Variants in ITCH observed in about 807,000 individuals in gnomAD.
ITCH encodes itchy E3 ubiquitin protein ligase, also known as E3 ubiquitin-protein ligase Itchy homolog.
In ITCH, 28 loss-of-function variants were observed where a neutral mutation model predicts 126.8. The observed-to-expected ratio is 0.22, with a 90% CI of 0.16 to 0.30. The LOEUF (loss-of-function observed/expected upper bound fraction) is 0.30, where lower values mean the gene tolerates loss of function less well. Among genes scored for constraint, ITCH ranks in the 10% least tolerant of loss-of-function variants. The pLI is 1.00. For synonymous variants in ITCH, 342 were observed against 340.0 expected (o/e 1.01, Z -0.06); for missense variants, 631 against 1,032.4 (o/e 0.61, Z 5.33).
At position 34,449,496 on chromosome 20, in the gene ITCH, T is replaced by G; in HGVS notation, c.1210+16T>G. ...CCTGGATGGGGTAAGTCACATGAGT[T>G]TCTTCATGGAGTTCTGTCATTTCAT... On this transcript the variant is annotated intron_variant, in intron 12 of 24. Transcript: ENST00000374864. 6.6e-7 allele frequency: 1 copy of G among 1,524,050 alleles called. No homozygotes were observed. The highest frequency in any genetic ancestry group is 1.4e-5 in the African/African-American group (1 of 73,334). The allele number at this position is 1,524,050 out of a possible 1,614,324, so 94.4% of individuals were successfully genotyped here.
At chr20:34,476,626 C>T in intron 16 of ITCH, 1 of 402,870 alleles carries the variant, frequency 2.5e-6, no homozygotes, top group Non-Finnish European at 3.8e-6. Context: ...TTTTTTGTTA[C>T]ATCTGGGATT....
intron 22 of ITCH, among the ~76,000 whole-genome samples, chr20:34,490,557 C>T (rs1175392163): frequency 2.0e-5 from 3 of 152,136 alleles, no homozygotes; most frequent in African/African-American, 7.2e-5. Flanking sequence ...GCAGGAGAAT[C>T]ACTTGAACCT....
intron 2 of ITCH, among the ~76,000 whole-genome samples, chr20:34,378,665 C>G (rs562693830): frequency 1.8e-4 from 28 of 151,952 alleles, no homozygotes; most frequent in Non-Finnish European, 4.0e-4. Context: ...AAGGCACTTT[C>G]CTTTTATTTT....
In ITCH at chr20:34,367,758, G is replaced by A. The variant is rs546495129; in HGVS notation, c.-98-1636G>A. Among the ~76,000 whole-genome samples the A allele has an allele frequency of 7.9e-5, 12 of 152,302 alleles. No individual in the cohort carries two copies. The South Asian group carries it at 8.3e-4, about 11-fold the overall frequency. ...AGGTTAAATAATTTACCTGAAACTA[G>A]TTAAGAGTAAGAACTAGAACTAGAA... is the stretch of plus-strand genomic sequence containing the variant. On this transcript the variant is annotated intron_variant, in intron 1 of 24. Coordinates refer to ENST00000374864, the MANE Select transcript of ITCH (RefSeq NM_031483.7).
intron 14 of ITCH, among the ~76,000 whole-genome samples, chr20:34,469,175 A>G (rs748507334): frequency 6.6e-6 from 1 of 152,120 alleles, no homozygotes; most frequent in Non-Finnish European, 1.5e-5. Context: ...AACTTAAGCT[A>G]TCAGGGTCAC....
chr20:34,470,644 G>A (rs1987531940), intron 15 of ITCH, among the ~76,000 whole-genome samples: 1 of 152,102 alleles, frequency 6.6e-6, no homozygotes, highest in South Asian at 2.1e-4. Flanking sequence ...CCAGGCTGGA[G>A]TGCAGTGGTG....
chr20:34,406,359 C>T (rs916501073), intron 3 of ITCH, among the ~76,000 whole-genome samples: 1 of 151,998 alleles, frequency 6.6e-6, no homozygotes, highest in Non-Finnish European at 1.5e-5. Flanking sequence ...TCTCTTGCAA[C>T]TCTTCTTTTT....
At chr20:34,403,778 C>T (rs2038962677) in intron 3 of ITCH, among the ~76,000 whole-genome samples, 1 of 151,950 alleles carries the variant, frequency 6.6e-6, no homozygotes, top group Admixed American at 6.6e-5. Context: ...GTTTATCTCT[C>T]AGGAAATATA....
At chr20:34,495,756 G>A (rs1004256391) in intron 23 of ITCH, among the ~76,000 whole-genome samples, 1 of 151,938 alleles carries the variant, frequency 6.6e-6, no homozygotes, top group African/African-American at 2.4e-5. Context: ...TGGGAGTGCA[G>A]ATGTCTGTTC....
chr20:34,443,744 G>C (rs765486704), intron 10 of ITCH, among the ~76,000 whole-genome samples: 3 of 152,092 alleles, frequency 2.0e-5, no homozygotes, highest in African/African-American at 7.2e-5. Context: ...TAGCACTTTG[G>C]GGGGACAAGG....
At chr20:34,481,358 A>G in intron 20 of ITCH, 152 bp downstream of exon 20, 1 of 882,962 alleles carries the variant, frequency 1.1e-6, no homozygotes, top group Admixed American at 2.8e-5. Context: ...ATTTCTAAAA[A>G]GTTTTTTTTT....
chr20:34,463,845 G>A (rs1278557453), intron 14 of ITCH, among the ~76,000 whole-genome samples: 3 of 149,856 alleles, frequency 2.0e-5, no homozygotes, highest in Admixed American at 2.0e-4. Context: ...ATATATTCTG[G>A]GTGTTAATCC....
intron 17 of ITCH, among the ~76,000 whole-genome samples, chr20:34,478,846 A>G (rs1988467906): frequency 2.0e-5 from 3 of 152,198 alleles, no homozygotes; most frequent in Admixed American, 2.0e-4. Flanking sequence ...AGGCAATTGA[A>G]GAGGAGAGCA....
chr20:34,391,975 G>A (rs939401702), intron 2 of ITCH, among the ~76,000 whole-genome samples: 1 of 152,146 alleles, frequency 6.6e-6, no homozygotes, highest in Admixed American at 6.6e-5. Context: ...GGAGATGAGC[G>A]ACTGTTGATG....
chr20:34,429,423 T>C (rs1981992104), intron 7 of ITCH, among the ~76,000 whole-genome samples: 1 of 152,228 alleles, frequency 6.6e-6, no homozygotes, highest in Non-Finnish European at 1.5e-5. Flanking sequence ...ATGGCCCTGC[T>C]TCTCAAACTT....
Position 34,499,272 on chromosome 20 carries a change from C to CAT in ITCH, c.2417-5059_2417-5058insAT, listed in dbSNP as rs1990091471. Among the ~76,000 whole-genome samples the CAT allele has an allele frequency of 7.8e-4, 18 of 23,034 alleles. No individual in the cohort carries two copies. The South Asian group carries it at 0.03, about 39-fold the overall frequency. 15.1% of individuals were successfully genotyped at this position (23,034 alleles called of 152,430 possible). On this transcript the variant is annotated intron_variant, in intron 23 of 24. Transcript: ENST00000374864. ...TACAGGCGTGAGCCACTGTGCCCAGCTTTTTTTTTTTTTTTTTTTTTTTTT... is the reference window on the plus strand; with the variant it reads ...TACAGGCGTGAGCCACTGTGCCCAGCATTTTTTTTTTTTTTTTTTTTTTTTTT...
chr20:34,427,474 TG>T (rs1375326890), intron 7 of ITCH, among the ~76,000 whole-genome samples: 1 of 151,958 alleles, frequency 6.6e-6, no homozygotes, highest in Non-Finnish European at 1.5e-5. Context: ...TAGTTAGGCC[TG>T]GTGGCACGTG....
intron 3 of ITCH, chr20:34,401,729 ACTG>A: frequency 4.9e-5 from 32 of 655,984 alleles, no homozygotes; most frequent in South Asian, 6.8e-5. Flanking sequence ...AAAAAAAAAG[ACTG>A]AAAAACAAAC....
chr20:34,477,834 A>C lies in ITCH; in HGVS notation c.1632A>C (p.Glu544Asp). The C allele has an allele frequency of 6.2e-7, 1 of 1,613,580 alleles. No individual in the cohort carries two copies. The highest frequency in any genetic ancestry group is 8.5e-7 in the Non-Finnish European group (1 of 1,179,574). Residue 544 changes from glutamate to aspartate, a missense_variant, in exon 17 of 25, where the codon GAA becomes GAC. Glu to Asp is a conservative substitution (Grantham distance 45, BLOSUM62 2). This residue lies in a region of ITCH where 390 missense variants were observed against 731.6 expected (regional missense o/e 0.53). Coordinates refer to ENST00000374864, the MANE Select transcript of ITCH (RefSeq NM_031483.7). ...TGTGGGTGATTTTTCCAGGAGAAGA[A>C]GGTTTAGATTATGGAGGTGTAGCAA... ...RRLWVIFPGE[E>D]GLDYGGVARE...
Sources: gnomAD v4.1 joint callset for allele counts (sites outside exome capture counted in the v4.1 genomes callset) on GRCh38, gnomAD v4.1.1 for gene constraint, gnomAD v4.1.1 regional missense constraint, MANE v1.5 for transcripts, NCBI Gene and HGNC (gene_info 2026-07-23, HGNC 2026-07-21) for gene names.